RAB3C: variants seen among roughly 807,000 people sequenced by gnomAD.
The protein encoded by RAB3C is ras-related protein Rab-3C.
A neutral mutation model predicts 26.4 loss-of-function variants in RAB3C; 17 were observed. The observed-to-expected ratio is 0.64, with a 90% CI of 0.44 to 0.97. RAB3C has a LOEUF of 0.97. Among genes scored for constraint, RAB3C ranks in the 50% least tolerant of loss-of-function variants. The probability of loss-of-function intolerance (pLI) is 0.00; values close to 1 mark genes in which losing one functional copy is unlikely to be tolerated. For synonymous variants in RAB3C, 91 were observed against 95.9 expected, an observed-to-expected ratio of 0.95 and a Z score of 0.30; for missense variants, 242 against 281.9, an observed-to-expected ratio of 0.86 and a Z score of 1.01.
intron 2 of RAB3C, among the ~76,000 whole-genome samples, chr5:58,659,078 A>G (rs1419863795): frequency 2.0e-5 from 3 of 152,200 alleles, no homozygotes; most frequent in Admixed American, 6.5e-5. Context: ...TTTGAAAATC[A>G]TGGCTATTTT....
At chr5:58,655,710 G>A (rs1747754291) in intron 2 of RAB3C, among the ~76,000 whole-genome samples, 1 of 151,056 alleles carries the variant, frequency 6.6e-6, no homozygotes, top group Non-Finnish European at 1.5e-5. Context: ...AAGCATATTT[G>A]CCATATCAAT....
At chr5:58,672,742 C>G (rs1193694088) in intron 2 of RAB3C, among the ~76,000 whole-genome samples, 2 of 152,186 alleles carry the variant, frequency 1.3e-5, no homozygotes, top group African/African-American at 4.8e-5. Context: ...GAAGAAAATT[C>G]TGCCATTTGT....
chr5:58,823,109 G>T, intron 3 of RAB3C: 1 of 470,132 alleles, frequency 2.1e-6, no homozygotes, highest in South Asian at 1.8e-5. Flanking sequence ...ACACATCATG[G>T]GTCAGAATGA....
intron 3 of RAB3C, among the ~76,000 whole-genome samples, chr5:58,785,594 T>G (rs1221789867): frequency 6.6e-6 from 1 of 152,182 alleles, no homozygotes; most frequent in East Asian, 1.9e-4. Context: ...TCTAACAAGA[T>G]CCCAAGTGAT....
chr5:58,770,383 T>C (rs1259073360), intron 3 of RAB3C, among the ~76,000 whole-genome samples: 2 of 152,178 alleles, frequency 1.3e-5, no homozygotes. Context: ...TTTTTCAGGC[T>C]TGATGCAAGC....
At chr5:58,718,730 T>C (rs1749225297) in intron 2 of RAB3C, among the ~76,000 whole-genome samples, 1 of 152,056 alleles carries the variant, frequency 6.6e-6, no homozygotes, top group Admixed American at 6.6e-5. Context: ...TTATTAGTAC[T>C]CTTCTAAAAT....
intron 2 of RAB3C, among the ~76,000 whole-genome samples, chr5:58,640,512 T>C (rs1747393460): frequency 2.0e-5 from 3 of 152,178 alleles, no homozygotes; most frequent in Admixed American, 1.3e-4. Flanking sequence ...GCAATCACCA[T>C]TGTAGAGAGT....
intron 2 of RAB3C, among the ~76,000 whole-genome samples, chr5:58,706,554 C>T (rs1748947350): frequency 1.3e-5 from 2 of 152,090 alleles, no homozygotes; most frequent in Non-Finnish European, 1.5e-5. Flanking sequence ...AACATTCGAG[C>T]TTCTTATCTT....
In RAB3C at chr5:58,636,099, T is replaced by C. The variant is rs371101963; in HGVS notation, c.252+18229T>C. On this transcript the variant is annotated intron_variant, in intron 2 of 4. Coordinates refer to ENST00000282878, the MANE Select transcript of RAB3C (RefSeq NM_138453.4). ...AACTTGAGGCAGCTGAAATAATTAC[T>C]GTATTTATTATTTTGGCTCCACCCC... Among the ~76,000 whole-genome samples, 10 of 152,340 alleles carry C rather than the reference T, an allele frequency of 6.6e-5. 1 individual carries two copies. The highest frequency in any genetic ancestry group is 2.4e-4 in the African/African-American group (10 of 41,580).
intron 4 of RAB3C, among the ~76,000 whole-genome samples, chr5:58,828,253 T>C (rs1282851901): frequency 6.6e-6 from 1 of 152,210 alleles, no homozygotes; most frequent in Non-Finnish European, 1.5e-5. Context: ...TGAGATAGAC[T>C]ACACAGACAA....
At chr5:58,637,483 A>G (rs1256242182) in intron 2 of RAB3C, among the ~76,000 whole-genome samples, 1 of 152,166 alleles carries the variant, frequency 6.6e-6, no homozygotes, top group East Asian at 1.9e-4. Flanking sequence ...TTTCCTATAA[A>G]AAGACTTAAC....
chr5:58,824,187 C>T (rs992652794), intron 3 of RAB3C, among the ~76,000 whole-genome samples: 3 of 151,822 alleles, frequency 2.0e-5, no homozygotes, highest in African/African-American at 4.8e-5. Context: ...AATAAACATA[C>T]GTGTGCGTGT....
chr5:58,772,855 A>G (rs1251410794), intron 3 of RAB3C, among the ~76,000 whole-genome samples: 1 of 152,186 alleles, frequency 6.6e-6, no homozygotes, highest in African/African-American at 2.4e-5. Context: ...ATAAGAGTGG[A>G]GAAGTAAAAT....
chr5:58,719,195 T>C (rs981473282), intron 2 of RAB3C, among the ~76,000 whole-genome samples: 1 of 152,054 alleles, frequency 6.6e-6, no homozygotes, highest in Non-Finnish European at 1.5e-5. Flanking sequence ...TCAAGCAACA[T>C]TGCTCTGTCC....
At chr5:58,800,240 T>G (rs777769804) in intron 3 of RAB3C, among the ~76,000 whole-genome samples, 1 of 152,358 alleles carries the variant, frequency 6.6e-6, no homozygotes, top group Non-Finnish European at 1.5e-5. Flanking sequence ...TCTTTGGTGG[T>G]TATGAGAAGC....
chr5:58,608,455 C>T (rs1746620463), intron 1 of RAB3C, among the ~76,000 whole-genome samples: 1 of 152,142 alleles, frequency 6.6e-6, no homozygotes, highest in South Asian at 2.1e-4. Context: ...CATCACTGGC[C>T]ATCAGAGAAA....
chr5:58,677,235 T>G (rs770741641), intron 2 of RAB3C, among the ~76,000 whole-genome samples: 1 of 152,220 alleles, frequency 6.6e-6, no homozygotes, highest in African/African-American at 2.4e-5. Flanking sequence ...TCATTCTAAC[T>G]TAACAAATTA....
chr5:58,813,949 A>G (rs1459949116), intron 3 of RAB3C, among the ~76,000 whole-genome samples: 3 of 152,220 alleles, frequency 2.0e-5, no homozygotes, highest in Non-Finnish European at 4.4e-5. Flanking sequence ...CTACAGAGCT[A>G]TAAAATAGCT....
intron 2 of RAB3C, among the ~76,000 whole-genome samples, chr5:58,641,460 G>A (rs13176450): frequency 0.1 from 15,947 of 152,192 alleles, 964 homozygotes; most frequent in Middle Eastern, 0.2. Context: ...CATGGAAATG[G>A]GGAACTAAAT....
Sources: allele counts gnomAD v4.1 joint callset (sites outside exome capture counted in the v4.1 genomes callset), GRCh38; gene constraint gnomAD v4.1.1; transcripts MANE v1.5; gene names NCBI Gene and HGNC (gene_info 2026-07-23, HGNC 2026-07-21).